RNF130: variants seen among roughly 807,000 people sequenced by gnomAD.
The protein encoded by RNF130 is E3 ubiquitin-protein ligase RNF130.
Under a neutral mutation model 44.6 loss-of-function variants are expected in RNF130, and 21 were observed. The ratio of observed to expected loss-of-function variants is 0.47; its 90% CI spans 0.33 to 0.68. The LOEUF (loss-of-function observed/expected upper bound fraction) is 0.68, where lower values mean the gene tolerates loss of function less well. Ranked by LOEUF, RNF130 falls within the 30% of genes least tolerant of loss-of-function variation. RNF130 has a pLI of 0.02. For missense variants in RNF130, 479 were observed against 560.6 expected (o/e 0.85, Z 1.47); for synonymous variants, 214 against 210.4 (o/e 1.02, Z -0.15).
intron 2 of RNF130, among the ~76,000 whole-genome samples, chr5:180,035,210 A>C (rs977329265): frequency 2.0e-5 from 3 of 152,344 alleles, no homozygotes; most frequent in Middle Eastern, 3.4e-3. Flanking sequence ...AGCATCCTAC[A>C]AATTCGGATG....
chr5:179,952,370 G>T (rs1205102078), downstream of RNF130, among the ~76,000 whole-genome samples: 1 of 152,126 alleles, frequency 6.6e-6, no homozygotes, highest in Non-Finnish European at 1.5e-5. Context: ...TAATGAGTTG[G>T]TAATCAAAAA....
chr5:179,958,104 C>T (rs1013744073), intron 8 of RNF130, among the ~76,000 whole-genome samples: 5 of 152,088 alleles, frequency 3.3e-5, no homozygotes, highest in Non-Finnish European at 7.4e-5. Context: ...GTCTCGATCT[C>T]CTGACCTCGT....
At chr5:180,007,780 G>T (rs913404945) in intron 3 of RNF130, among the ~76,000 whole-genome samples, 1 of 152,004 alleles carries the variant, frequency 6.6e-6, no homozygotes. Flanking sequence ...CATCAGCCCC[G>T]GCCCCACACT....
At chr5:180,016,802 T>C (rs1482920061) in intron 2 of RNF130, among the ~76,000 whole-genome samples, 1 of 152,244 alleles carries the variant, frequency 6.6e-6, no homozygotes, top group African/African-American at 2.4e-5. Context: ...TGTCAACATT[T>C]TGTCCTTTCT....
At position 180,014,712 on chromosome 5, in the gene RNF130, G is replaced by A. The variant is rs1333499011; in HGVS notation, c.443-1401C>T. Among the ~76,000 whole-genome samples the A allele has an allele frequency of 2.6e-5, 4 of 152,226 alleles. 1 individual carries two copies. The highest frequency in any genetic ancestry group is 5.9e-5 in the Non-Finnish European group (4 of 68,038). On this transcript the variant is annotated intron_variant, in intron 2 of 8. Coordinates refer to ENST00000521389, the MANE Select transcript of RNF130 (RefSeq NM_018434.6). ...GAAAAGAAATTCAACAGGGCTGGGC[G>A]TGGTGGCTCATGCCTATAATCCCAG...
chr5:180,059,175 C>T (rs1012898537), intron 1 of RNF130, among the ~76,000 whole-genome samples: 7 of 152,134 alleles, frequency 4.6e-5, no homozygotes, highest in Non-Finnish European at 7.4e-5. Flanking sequence ...ACCTTTTAGT[C>T]TTCGTGTATA....
intron 3 of RNF130, among the ~76,000 whole-genome samples, chr5:180,008,687 C>T (rs1231674768): frequency 1.3e-5 from 2 of 152,052 alleles, no homozygotes; most frequent in African/African-American, 2.4e-5. Context: ...GAGTTCAAGA[C>T]CAGCCTGGGC....
intron 2 of RNF130, among the ~76,000 whole-genome samples, chr5:180,025,442 C>G (rs1763964788): frequency 6.6e-6 from 1 of 152,172 alleles, no homozygotes; most frequent in Admixed American, 6.5e-5. Context: ...GCAAGGAAGG[C>G]TAGAGGACAG....
At chr5:179,915,073 A>T (rs1387296087) in exon 8 of RNF130, 1 of 118,284 alleles carries the variant, frequency 8.5e-6, no homozygotes, top group Non-Finnish European at 1.8e-5. Context: ...TCACACCTGT[A>T]ATTCCAGCAC....
At chr5:179,928,024 T>C (rs1761730649) in intron 7 of RNF130, among the ~76,000 whole-genome samples, 1 of 152,226 alleles carries the variant, frequency 6.6e-6, no homozygotes, top group South Asian at 2.1e-4. Context: ...TAGCAACAGT[T>C]CCTTCCTTTT....
intron 1 of RNF130, among the ~76,000 whole-genome samples, chr5:180,044,356 T>C (rs878932901): frequency 1.3e-5 from 2 of 152,166 alleles, no homozygotes; most frequent in African/African-American, 2.4e-5. Flanking sequence ...ATTTTTTTTT[T>C]CCTCTAGGGC....
chr5:179,936,989 A>G (rs1761898245), intron 7 of RNF130, among the ~76,000 whole-genome samples: 1 of 152,340 alleles, frequency 6.6e-6, no homozygotes, highest in South Asian at 2.1e-4. Flanking sequence ...TGTGAGTTCT[A>G]AAAGTATAAA....
chr5:180,011,327 A>G (rs1438511139), intron 3 of RNF130, among the ~76,000 whole-genome samples: 2 of 152,246 alleles, frequency 1.3e-5, no homozygotes, highest in Non-Finnish European at 2.9e-5. Context: ...CAGATAATGT[A>G]TTATATCAAT....
At chr5:179,945,291 G>A (rs942486350) in intron 7 of RNF130, among the ~76,000 whole-genome samples, 23 of 152,230 alleles carry the variant, frequency 1.5e-4, no homozygotes, top group African/African-American at 5.3e-4. Flanking sequence ...CTGCACCTGG[G>A]AAAACAGTGG....
At chr5:179,944,134 G>A (rs1240213683) in intron 7 of RNF130, among the ~76,000 whole-genome samples, 1 of 150,776 alleles carries the variant, frequency 6.6e-6, no homozygotes, top group African/African-American at 2.5e-5. Flanking sequence ...ACCATGCCTA[G>A]CTTTTTGTAT....
At chr5:179,961,312 T>C (rs1762323685) in intron 8 of RNF130, among the ~76,000 whole-genome samples, 2 of 152,158 alleles carry the variant, frequency 1.3e-5, no homozygotes, top group African/African-American at 4.8e-5. Flanking sequence ...TGGTTTTGAC[T>C]GAAGGCACAG....
chr5:180,021,625 A>AATT (rs1347564504), intron 2 of RNF130, among the ~76,000 whole-genome samples: 1 of 151,888 alleles, frequency 6.6e-6, no homozygotes, highest in African/African-American at 2.4e-5. Flanking sequence ...AAATAATAAT[A>AATT]ATTATTATTA....
At chr5:180,051,974 T>C (rs1764697122) in intron 1 of RNF130, among the ~76,000 whole-genome samples, 2 of 152,244 alleles carry the variant, frequency 1.3e-5, no homozygotes, top group African/African-American at 2.4e-5. Flanking sequence ...TAAGTGTTAA[T>C]TGTTTATCCA....
At chr5:180,028,275 T>G (rs1317937586) in intron 2 of RNF130, among the ~76,000 whole-genome samples, 1 of 152,182 alleles carries the variant, frequency 6.6e-6, no homozygotes, top group Admixed American at 6.5e-5. Flanking sequence ...CTTCTCTGCT[T>G]GTTATAACTC....
Sources: allele counts gnomAD v4.1 joint callset (sites outside exome capture counted in the v4.1 genomes callset), GRCh38; gene constraint gnomAD v4.1.1; transcripts MANE v1.5; gene names NCBI Gene and HGNC (gene_info 2026-07-23, HGNC 2026-07-21).